Variants in ZNRF3 observed in about 807,000 individuals in gnomAD.
ZNRF3 encodes the protein E3 ubiquitin-protein ligase ZNRF3.
ZNRF3 carries 23 observed loss-of-function variants against 72.5 expected under a neutral mutation model. The observed-to-expected ratio is 0.32, with a 90% confidence interval of 0.23 to 0.45. The LOEUF is 0.45. ZNRF3 is among the 20% of genes least tolerant of loss of function. The pLI, the probability that ZNRF3 is intolerant of heterozygous loss-of-function variation, is 1.00. For synonymous variants in ZNRF3, 610 were observed against 545.3 expected (o/e 1.12, Z -1.65); for missense variants, 1,169 against 1,272.1 (o/e 0.92, Z 1.23).
chr22:29,032,028 C>A (rs1358227466), intron 2 of ZNRF3, among the ~76,000 whole-genome samples: 1 of 152,180 alleles, frequency 6.6e-6, no homozygotes, highest in Non-Finnish European at 1.5e-5. Flanking sequence ...ACCCAGAGAG[C>A]CAAGGCGCCA....
chr22:28,932,753 C>T (rs767982211), intron 1 of ZNRF3, among the ~76,000 whole-genome samples: 5 of 152,162 alleles, frequency 3.3e-5, no homozygotes, highest in African/African-American at 7.2e-5. Flanking sequence ...CCTTAAGAAC[C>T]GTCACAGAAG....
chr22:29,036,745 A>G (rs1176987107), intron 2 of ZNRF3, among the ~76,000 whole-genome samples: 1 of 152,232 alleles, frequency 6.6e-6, no homozygotes, highest in African/African-American at 2.4e-5. Context: ...TATTTATTCA[A>G]TGTAGTATTA....
chr22:28,968,649 C>A (rs1297499379), intron 1 of ZNRF3, among the ~76,000 whole-genome samples: 1 of 152,178 alleles, frequency 6.6e-6, no homozygotes, highest in Non-Finnish European at 1.5e-5. Context: ...GCGGAGGTTG[C>A]CGTGAGCTGA....
intron 2 of ZNRF3, among the ~76,000 whole-genome samples, chr22:28,996,643 T>C (rs1234781389): frequency 1.3e-5 from 2 of 152,212 alleles, no homozygotes; most frequent in Non-Finnish European, 2.9e-5. Flanking sequence ...AACTATTCTG[T>C]TCTGCAGTAC....
At chr22:28,919,164 C>A (rs758320831) in intron 1 of ZNRF3, among the ~76,000 whole-genome samples, 11 of 152,352 alleles carry the variant, frequency 7.2e-5, no homozygotes, top group South Asian at 6.2e-4. Flanking sequence ...TTTCTCCCCA[C>A]AGAGGGGACC....
At chr22:29,044,653 T>C in intron 4 of ZNRF3, 127 bp from the exon 5 acceptor site, 1 of 691,958 alleles carries the variant, frequency 1.4e-6, no homozygotes, top group East Asian at 2.7e-5. Flanking sequence ...CCCAGGAGTT[T>C]CCTGCAAATT....
Position 28,944,721 on chromosome 22 carries a change from C to T in ZNRF3, c.301-42355C>T, listed in dbSNP as rs535304448. On this transcript the variant is annotated intron_variant, in intron 1 of 8. Coordinates refer to ENST00000544604, the MANE Select transcript of ZNRF3 (RefSeq NM_001206998.2). Reference sequence around the variant, plus strand: ...AGTGAGCCAAGATTGTGCCATTGCACTCCAGCCTAGGTGACAAAGCGAGAC... The same window carrying T: ...AGTGAGCCAAGATTGTGCCATTGCATTCCAGCCTAGGTGACAAAGCGAGAC... Among the ~76,000 whole-genome samples, 25 of 144,790 alleles carry T rather than the reference C, an allele frequency of 1.7e-4. No individual in the cohort carries two copies. In the South Asian group the frequency reaches 5.5e-3, roughly 32 times the overall value. The allele number at this position is 144,790 out of a possible 152,430, so 95.0% of individuals were successfully genotyped here.
chr22:28,959,052 A>G (rs2035309045), intron 1 of ZNRF3, among the ~76,000 whole-genome samples: 1 of 152,230 alleles, frequency 6.6e-6, no homozygotes, highest in Non-Finnish European at 1.5e-5. Context: ...TTCTCAAGGA[A>G]AGGCTGAATT....
Position 29,044,880 on chromosome 22 carries a change from G to A in ZNRF3, c.734G>A (p.Arg245Gln), listed in dbSNP as rs772520393. Residue 245 changes from arginine (R) to glutamine (Q), a missense_variant, in exon 5 of 9, where the codon CGA (arginine) becomes CAA (glutamine). Arg to Gln is a conservative substitution (Grantham distance 43). Coordinates refer to ENST00000544604, the MANE Select transcript of ZNRF3 (RefSeq NM_001206998.2). ...CTTGTCAAAATCAAGCTGAAGCAGC[G>A]ACGCAGTCAGGTAGTGCCTCTGTGT... ...ILLVKIKLKQ[R>Q]RSQNSMNRLA... 35 of 1,613,228 alleles carry A rather than the reference G, an allele frequency of 2.2e-5. No individual in the cohort carries two copies. The highest frequency in any genetic ancestry group is 2.7e-5 in the Non-Finnish European group (32 of 1,179,478).
At chr22:29,038,965 T>G (rs58863891) in intron 2 of ZNRF3, among the ~76,000 whole-genome samples, 23,217 of 150,296 alleles carry the variant, frequency 0.15, 1,814 homozygotes, top group South Asian at 0.24. Flanking sequence ...TATATATATA[T>G]AGAGAGAGAG....
intron 1 of ZNRF3, among the ~76,000 whole-genome samples, chr22:28,971,728 T>C (rs2123814080): frequency 6.6e-6 from 1 of 152,278 alleles, no homozygotes; most frequent in East Asian, 1.9e-4. Context: ...TTTTAAGAGA[T>C]GGTCTCTCTG....
chr22:28,919,363 C>T (rs552076295), intron 1 of ZNRF3, among the ~76,000 whole-genome samples: 2 of 152,236 alleles, frequency 1.3e-5, no homozygotes, highest in Admixed American at 6.5e-5. Context: ...GGGTTAAGCA[C>T]CCAACATTAA....
At chr22:28,959,524 A>C (rs1242061601) in intron 1 of ZNRF3, among the ~76,000 whole-genome samples, 1 of 152,262 alleles carries the variant, frequency 6.6e-6, no homozygotes, top group Non-Finnish European at 1.5e-5. Flanking sequence ...AACATACACA[A>C]GTGCCATTTT....
intron 2 of ZNRF3, among the ~76,000 whole-genome samples, chr22:28,999,684 G>A (rs551308556): frequency 1.0e-3 from 152 of 152,284 alleles, no homozygotes; most frequent in African/African-American, 3.3e-3. Context: ...GCAGTCACTC[G>A]AGTGCGTTGC....
intron 1 of ZNRF3, among the ~76,000 whole-genome samples, chr22:28,962,759 C>T: frequency 6.6e-6 from 1 of 152,210 alleles, no homozygotes; most frequent in East Asian, 1.9e-4. Context: ...ACTGATGCCT[C>T]CATTCTTAAG....
chr22:28,949,363 C>T (rs1305492263), intron 1 of ZNRF3, among the ~76,000 whole-genome samples: 3 of 152,194 alleles, frequency 2.0e-5, no homozygotes, highest in African/African-American at 7.2e-5. Flanking sequence ...CAGCCTCTAC[C>T]TCCTAGACTC....
intron 1 of ZNRF3, among the ~76,000 whole-genome samples, chr22:28,923,959 C>T (rs148417931): frequency 1.4e-3 from 218 of 152,342 alleles, no homozygotes; most frequent in African/African-American, 5.0e-3. Flanking sequence ...ATGATGATCT[C>T]GGATCCCGCG....
chr22:29,044,911 C>T (rs964931012), intron 5 of ZNRF3, 21 bp downstream of exon 5: 2 of 1,549,228 alleles, frequency 1.3e-6, no homozygotes, highest in Non-Finnish European at 1.8e-6. Flanking sequence ...TGTGTGTAGC[C>T]CGTGAGCAGT....
chr22:28,899,693 CTT>C (rs1299023459), intron 1 of ZNRF3, among the ~76,000 whole-genome samples: 6 of 132,750 alleles, frequency 4.5e-5, no homozygotes, highest in Admixed American at 3.2e-4. Context: ...TTCTTTCTTT[CTT>C]TTTTTTTTTT....
Sources: allele counts gnomAD v4.1 joint callset (sites outside exome capture counted in the v4.1 genomes callset), GRCh38; gene constraint gnomAD v4.1.1; transcripts MANE v1.5; gene names NCBI Gene and HGNC (gene_info 2026-07-23, HGNC 2026-07-21).